The following OSM variants were observed in gnomAD, a reference collection of about 807,000 sequenced individuals.
OSM encodes the protein oncostatin M, also known as oncostatin-M.
OSM carries 1 observed loss-of-function variant against 6.3 expected under a neutral mutation model. The observed-to-expected ratio is 0.16, with a 90% CI of 0.06 to 0.76. OSM has a LOEUF of 0.76. Among genes scored for constraint, OSM ranks in the 30% least tolerant of loss-of-function variants. OSM has a pLI of 0.77. For synonymous variants in OSM, 135 were observed against 143.4 expected, an observed-to-expected ratio of 0.94 and a Z score of 0.42; for missense variants, 324 against 336.9, an observed-to-expected ratio of 0.96 and a Z score of 0.30.
chr22:30,263,134 C>T lies in OSM; in HGVS notation c.*749G>A, dbSNP rs1929283070. 1 of 152,744 alleles carries T rather than the reference C, an allele frequency of 6.5e-6. No individual in the cohort carries two copies. The highest frequency in any genetic ancestry group is 2.4e-5 in the African/African-American group (1 of 41,446). 9.5% of individuals were successfully genotyped at this position (152,744 alleles called of 1,614,324 possible). ...AGACCTCCGTGTACACCTCCCAGCG[C>T]CATTTGCACCACCTGTCCTGATTTA... On this transcript the variant is annotated 3_prime_UTR_variant, in exon 3 of 3. Coordinates refer to ENST00000215781, the MANE Select transcript of OSM (RefSeq NM_020530.6).
In OSM at chr22:30,263,529, G is replaced by A. The variant is rs1929294850; in HGVS notation, c.*354C>T. The A allele has an allele frequency of 7.4e-6, 2 of 271,544 alleles. No individual in the cohort carries two copies. 16.8% of individuals were successfully genotyped at this position (271,544 alleles called of 1,614,324 possible). A position where few individuals can be genotyped will look rare whatever the true frequency, so the allele number is the denominator to read the frequency against. On this transcript the variant is annotated 3_prime_UTR_variant, in exon 3 of 3. Transcript: ENST00000215781. ...CAACGGCCCTGCAAGTCATGAGAGGGAAGGACCGGCAGGCCTCGGGGAGCA... is the reference window on the plus strand; with the variant it reads ...CAACGGCCCTGCAAGTCATGAGAGGAAAGGACCGGCAGGCCTCGGGGAGCA...
At chr22:30,265,511 C>T in intron 1 of OSM, 1 of 611,342 alleles carries the variant, frequency 1.6e-6, no homozygotes, top group Non-Finnish European at 2.1e-6. Context: ...GGGACTGGCT[C>T]CCTGCAAGAC....
Position 30,264,255 on chromosome 22 carries a change from G to A in OSM, c.387C>T (p.Asn129=). 3 of 1,614,140 alleles carry A rather than the reference G, an allele frequency of 1.9e-6. No homozygotes were observed. Among genetic ancestry groups the A allele is most frequent in the Non-Finnish European group, 2.5e-6 (3 of 1,180,040 alleles). The change falls in exon 3 of 3, where the codon AAC becomes AAT. Residue 129 remains asparagine, a synonymous_variant. Coordinates refer to ENST00000215781, the MANE Select transcript of OSM (RefSeq NM_020530.6). Reference sequence around the variant, plus strand: ...TCTGCAGCTTCTCCAAGTCCTCGATGTTCAGCCCAGACCTCTCCAAATCCT... The same window carrying A: ...TCTGCAGCTTCTCCAAGTCCTCGATATTCAGCCCAGACCTCTCCAAATCCT... ...KAQDLERSGL[N]IEDLEKLQMA...
In OSM at chr22:30,264,202, C is replaced by A. The variant is rs200821627; in HGVS notation, c.440G>T (p.Arg147Met). The A allele has an allele frequency of 6.2e-7, 1 of 1,614,082 alleles. No homozygotes were observed. The highest frequency in any genetic ancestry group is 8.5e-7 in the Non-Finnish European group (1 of 1,180,046). Residue 147 changes from arginine to methionine, a missense_variant, in exon 3 of 3, where the codon AGG becomes ATG. Transcript: ENST00000215781. The stretch of plus-strand genomic sequence containing the variant: ...CTGGGCCATGCAGTAGATGTTGTTC[C>A]TGAGCCCGAGGATGTTCGGCCTCGC... ...QMARPNILGL[R>M]NNIYCMAQLL...
rs773883252 is a variant in OSM, at chr22:30,265,083, C to A, written c.96G>T (p.Ser32=). ...GGCCAAGGAGCACGCGGTACTCTTTCGAGCAGCTGCCTATAGCCGCCATGC... is the reference window on the plus strand; with the variant it reads ...GGCCAAGGAGCACGCGGTACTCTTTAGAGCAGCTGCCTATAGCCGCCATGC... ...MASMAAIGSC[S]KEYRVLLGQL... The change falls in exon 2 of 3, where the codon TCG becomes TCT. Residue 32 remains serine (S), a synonymous_variant. Transcript: ENST00000215781. 1 of 1,614,152 alleles carries A rather than the reference C, an allele frequency of 6.2e-7. No individual in the cohort carries two copies. The highest frequency in any genetic ancestry group is 8.5e-7 in the Non-Finnish European group (1 of 1,180,014).
At position 30,265,101 on chromosome 22, in the gene OSM, C is replaced by A; in HGVS notation, c.78G>T (p.Ala26=). 1.2e-6 allele frequency: 2 copies of A among 1,614,126 alleles called. No individual in the cohort carries two copies. Among genetic ancestry groups the A allele is most frequent in the Non-Finnish European group, 1.7e-6 (2 of 1,179,966 alleles). Residue 26 remains alanine, a synonymous_variant, in exon 2 of 3, where the codon GCG becomes GCT. Transcript: ENST00000215781. ...ACTCTTTCGAGCAGCTGCCTATAGC[C>A]GCCATGCTCGCCATGCTTGGAAACA... ...ALLFPSMASM[A]AIGSCSKEYR...
chr22:30,264,481 G>T lies in OSM; in HGVS notation c.178-17C>A, dbSNP rs1380592054. 2 of 1,582,692 alleles carry T rather than the reference G, an allele frequency of 1.3e-6. No individual in the cohort carries two copies. The highest frequency in any genetic ancestry group is 1.1e-5 in the South Asian group (1 of 88,444). ...GATACGTATCTGGCGGGAACAGGAG[G>T]ATCACAGGGTGAATGCTGAGGATCC... On this transcript the variant is annotated splice_polypyrimidine_tract_variant and intron_variant, in intron 2 of 2. Transcript: ENST00000215781.
chr22:30,265,503 G>T, intron 1 of OSM: 2 of 746,494 alleles, frequency 2.7e-6, no homozygotes, highest in Non-Finnish European at 3.4e-6. Flanking sequence ...TGCAAGGTGG[G>T]ACTGGCTCCC....
intron 2 of OSM, among the ~76,000 whole-genome samples, chr22:30,264,672 G>T (rs1306206287): frequency 6.6e-6 from 1 of 152,192 alleles, no homozygotes; most frequent in Non-Finnish European, 1.5e-5. Flanking sequence ...GATGCCCGTG[G>T]GGAATGAAGA....
At chr22:30,265,292 A>G in intron 1 of OSM, 148 bp from the exon 2 acceptor site, 1 of 1,471,678 alleles carries the variant, frequency 6.8e-7, no homozygotes, top group Non-Finnish European at 9.0e-7. Context: ...ACTGTGTGGC[A>G]CGGTGTGTGC....
At chr22:30,264,506 C>A in intron 2 of OSM, 42 bp from the exon 3 acceptor site, 1 of 1,498,816 alleles carries the variant, frequency 6.7e-7, no homozygotes, top group Non-Finnish European at 9.1e-7. Context: ...GCTGAGGATC[C>A]GGACCACACT....
intron 2 of OSM, 102 bp downstream of exon 2, chr22:30,264,900 G>A: frequency 7.3e-7 from 1 of 1,373,206 alleles, no homozygotes; most frequent in Admixed American, 2.0e-5. Flanking sequence ...TCCCCGACCT[G>A]GCCATATGGA....
At position 30,266,011 on chromosome 22, in the gene OSM, C is replaced by T. The variant is rs944252302; in HGVS notation, c.34+755G>A. ...CATCGTTCCCGTCCTAAGAACCATC[C>T]GGCCCTTTGGGGAAGACTGGCTGTT... On this transcript the variant is annotated intron_variant, in intron 1 of 2. Coordinates refer to ENST00000215781, the MANE Select transcript of OSM (RefSeq NM_020530.6). The surrounding 1 kb of genome is among the most constrained non-coding windows in gnomAD (Gnocchi z 5.0). 5.3e-5 allele frequency among the ~76,000 whole-genome samples: 8 copies of T among 152,266 alleles called. No homozygotes were observed. In the East Asian group the frequency reaches 5.8e-4, roughly 11 times the overall value.
At position 30,264,482 on chromosome 22, in the gene OSM, A is replaced by C. The variant is rs1929339412; in HGVS notation, c.178-18T>G. ...ATACGTATCTGGCGGGAACAGGAGG[A>C]TCACAGGGTGAATGCTGAGGATCCG... On this transcript the variant is annotated intron_variant, in intron 2 of 2. Coordinates refer to ENST00000215781, the MANE Select transcript of OSM (RefSeq NM_020530.6). 2 of 1,582,160 alleles carry C rather than the reference A, an allele frequency of 1.3e-6. No homozygotes were observed. The highest frequency in any genetic ancestry group is 2.7e-5 in the African/African-American group (2 of 74,332).
chr22:30,264,252 G>A lies in OSM; in HGVS notation c.390C>T (p.Ile130=), dbSNP rs10427880. 2.8e-4 allele frequency: 447 copies of A among 1,614,128 alleles called. 3 individuals are homozygous for A. The African/African-American group carries it at 4.1e-3, about 15-fold the overall frequency. Reference sequence around the variant, plus strand: ...CCATCTGCAGCTTCTCCAAGTCCTCGATGTTCAGCCCAGACCTCTCCAAAT... The same window carrying A: ...CCATCTGCAGCTTCTCCAAGTCCTCAATGTTCAGCCCAGACCTCTCCAAAT... ...AQDLERSGLN[I]EDLEKLQMAR... Residue 130 remains isoleucine, a synonymous_variant, in exon 3 of 3, where the codon ATC becomes ATT. Transcript: ENST00000215781.
Position 30,263,885 on chromosome 22 carries a change from AC to A in OSM, c.756del (p.Ter253SerfsTer9). The A allele has an allele frequency of 6.7e-7, 1 of 1,495,846 alleles. No homozygotes were observed. The highest frequency in any genetic ancestry group is 8.9e-7 in the Non-Finnish European group (1 of 1,125,500). The allele number at this position is 1,495,846 out of a possible 1,614,324, so 92.7% of individuals were successfully genotyped here. ...ACCGGCAAGGGGTGCTCTCGAGGCT[AC>A]CGGGGCAGCTGTCCCCTGGTCATGA... is the stretch of plus-strand genomic sequence containing the variant. Reference protein sequence around the residue: ...KRLMTRGQLPR With the variant: ...KRLMTRGQLPX On this transcript the variant is annotated frameshift_variant, in exon 3 of 3. Transcript: ENST00000215781. LOFTEE classifies it high-confidence loss of function.
rs553506855 is a variant in OSM at position 30,263,906 on chromosome 22, T to G, written c.736A>C (p.Thr246Pro). Residue 246 changes from threonine (T) to proline (P), a missense_variant, in exon 3 of 3, where the codon ACC (threonine) becomes CCC (proline). Physicochemically the swap from Thr to Pro is conservative, Grantham distance 38 (BLOSUM62 -1). Transcript: ENST00000215781. ...GGCTACCGGGGCAGCTGTCCCCTGG[T>G]CATGAGTCTCTTGCCTTTCCTGGAG... is the stretch of plus-strand genomic sequence containing the variant. The part of the protein sequence containing the change: ...RPSRKGKRLM[T>P]RGQLPR 13 of 1,504,834 alleles carry G rather than the reference T, an allele frequency of 8.6e-6. No individual in the cohort carries two copies. In the Admixed American group the frequency reaches 1.6e-4, roughly 19 times the overall value. The allele number at this position is 1,504,834 out of a possible 1,614,324, so 93.2% of individuals were successfully genotyped here. A position where few individuals can be genotyped will look rare whatever the true frequency, so the allele number is the denominator to read the frequency against.
chr22:30,265,238 C>A, intron 1 of OSM, 94 bp from the exon 2 acceptor site: 1 of 1,532,110 alleles, frequency 6.5e-7, no homozygotes, highest in Non-Finnish European at 8.8e-7. Context: ...TGAAAGGTGC[C>A]TCCTTCATCC....
rs1408583023 is a variant in OSM, at chr22:30,265,397, G to T, written c.35-253C>A. On this transcript the variant is annotated intron_variant, in intron 1 of 2. Coordinates refer to ENST00000215781, the MANE Select transcript of OSM (RefSeq NM_020530.6). The stretch of plus-strand genomic sequence containing the variant: ...AGTGGGAGGGACTGAGACAGTGGCT[G>T]CGATTTACCAAGTAGGTCTTTGAGC... The T allele has an allele frequency of 4.1e-6, 4 of 985,484 alleles. No homozygotes were observed. In the African/African-American group the frequency reaches 5.2e-5, roughly 13 times the overall value. 61.0% of individuals were successfully genotyped at this position (985,484 alleles called of 1,614,324 possible). A position where few individuals can be genotyped will look rare whatever the true frequency, so the allele number is the denominator to read the frequency against.
Sources: allele counts gnomAD v4.1 joint callset (sites outside exome capture counted in the v4.1 genomes callset), GRCh38; gene constraint gnomAD v4.1.1; non-coding constraint Gnocchi (gnomAD v3.1); transcripts MANE v1.5; gene names NCBI Gene and HGNC (gene_info 2026-07-23, HGNC 2026-07-21).